Variants in DPP10 observed in about 807,000 individuals in gnomAD.
DPP10 encodes dipeptidyl peptidase like 10, also known as inactive dipeptidyl peptidase 10.
DPP10 carries 33 observed loss-of-function variants against 120.9 expected under a neutral mutation model. The observed-to-expected ratio is 0.27, with a 90% CI of 0.21 to 0.37. DPP10 has a LOEUF of 0.37. Ranked by LOEUF, DPP10 falls within the 10% of genes least tolerant of loss-of-function variation. DPP10 has a pLI of 1.00. For missense variants in DPP10, 816 were observed against 942.8 expected (o/e 0.87, Z 1.76); for synonymous variants, 337 against 326.1 (o/e 1.03, Z -0.36).
chr2:114,870,760 G>A lies in DPP10; in HGVS notation c.60+427922G>A, dbSNP rs1209340040. Among the ~76,000 whole-genome samples, 2 of 135,694 alleles carry A rather than the reference G, an allele frequency of 1.5e-5. 1 individual carries two copies. The highest frequency in any genetic ancestry group is 3.2e-5 in the Non-Finnish European group (2 of 61,912). The allele number at this position is 135,694 out of a possible 152,430, so 89.0% of individuals were successfully genotyped here. A position where few individuals can be genotyped will look rare whatever the true frequency, so the allele number is the denominator to read the frequency against. On this transcript the variant is annotated intron_variant, in intron 1 of 25. Coordinates refer to ENST00000410059, the MANE Select transcript of DPP10 (RefSeq NM_020868.6). Reference sequence around the variant, plus strand: ...TAATGGAATATCTTTATTAACCCATGGAACTAATGCAAAGTTCATTTTTAT... The same window carrying A: ...TAATGGAATATCTTTATTAACCCATAGAACTAATGCAAAGTTCATTTTTAT...
At chr2:114,663,660 TATATATATAGAGAG>T (rs1359375867) in intron 1 of DPP10, among the ~76,000 whole-genome samples, 2 of 91,536 alleles carry the variant, frequency 2.2e-5, no homozygotes, top group African/African-American at 7.9e-5. Flanking sequence ...TATATATATA[TATATATATAGAGAG>T]AGAGAGAGAG....
intron 1 of DPP10, among the ~76,000 whole-genome samples, chr2:114,776,473 C>T (rs1681753300): frequency 6.6e-6 from 1 of 152,144 alleles, no homozygotes; most frequent in Non-Finnish European, 1.5e-5. Context: ...CTTTTCTCTA[C>T]TGAATGCAAT....
At chr2:114,965,705 G>A (rs1224069106) in intron 1 of DPP10, among the ~76,000 whole-genome samples, 2 of 151,858 alleles carry the variant, frequency 1.3e-5, no homozygotes, top group African/African-American at 4.8e-5. Context: ...GAGGCCGGGC[G>A]CGGTGGCTCA....
intron 1 of DPP10, among the ~76,000 whole-genome samples, chr2:114,497,461 T>C (rs1196433786): frequency 2.2e-5 from 3 of 135,544 alleles, no homozygotes; most frequent in African/African-American, 1.1e-4. Flanking sequence ...ATCTATTTTA[T>C]AGATGCATCT....
At chr2:114,812,637 C>T (rs999926763) in intron 1 of DPP10, among the ~76,000 whole-genome samples, 1 of 141,326 alleles carries the variant, frequency 7.1e-6, no homozygotes, top group Non-Finnish European at 1.6e-5. Context: ...TAAAAAAAAA[C>T]GAGCAGTATC....
intron 1 of DPP10, among the ~76,000 whole-genome samples, chr2:114,851,075 A>C (rs1452047556): frequency 1.3e-5 from 2 of 152,086 alleles, no homozygotes; most frequent in Non-Finnish European, 2.9e-5. Flanking sequence ...TCGTACCTTG[A>C]CTCACTTTTT....
chr2:115,133,145 G>GTGTGTGTGTGTATATATATATA (rs1338395575), intron 1 of DPP10, among the ~76,000 whole-genome samples: 1 of 28,762 alleles, frequency 3.5e-5, no homozygotes, highest in African/African-American at 1.3e-4. Context: ...GTGTGTGTGT[G>GTGTGTGTGTGTATATATATATA]TATATATATA....
chr2:114,936,883 A>G (rs777576016), intron 1 of DPP10, among the ~76,000 whole-genome samples: 1 of 152,126 alleles, frequency 6.6e-6, no homozygotes, highest in Non-Finnish European at 1.5e-5. Context: ...GACCATTTGT[A>G]TATCTTCTTT....
chr2:115,205,885 C>T (rs1434886140), intron 1 of DPP10, among the ~76,000 whole-genome samples: 1 of 152,108 alleles, frequency 6.6e-6, no homozygotes, highest in East Asian at 1.9e-4. Flanking sequence ...GAGGGGGAAG[C>T]AGGGAGTGGT....
chr2:114,459,254 G>A (rs1478476790), intron 1 of DPP10, among the ~76,000 whole-genome samples: 3 of 152,166 alleles, frequency 2.0e-5, no homozygotes, highest in Non-Finnish European at 4.4e-5. Context: ...TTGACATGCA[G>A]CATGTAACAT....
intron 1 of DPP10, among the ~76,000 whole-genome samples, chr2:114,475,728 T>A (rs1394087023): frequency 6.6e-6 from 1 of 152,166 alleles, no homozygotes; most frequent in Non-Finnish European, 1.5e-5. Flanking sequence ...CGTCTGAAAA[T>A]GCAAGGTATC....
intron 3 of DPP10, among the ~76,000 whole-genome samples, chr2:115,434,106 A>AT (rs2071257731): frequency 6.6e-6 from 1 of 152,040 alleles, no homozygotes; most frequent in Non-Finnish European, 1.5e-5. Context: ...TACTATACAT[A>AT]TATGAGTAAT....
intron 5 of DPP10, among the ~76,000 whole-genome samples, chr2:115,683,800 C>T (rs140033758): frequency 1.0e-3 from 159 of 152,030 alleles, no homozygotes; most frequent in South Asian, 4.1e-3. Context: ...AAGAATGGTA[C>T]GTGATTCCTC....
At chr2:114,781,974 A>G (rs903000743) in intron 1 of DPP10, among the ~76,000 whole-genome samples, 1 of 152,020 alleles carries the variant, frequency 6.6e-6, no homozygotes, top group East Asian at 1.9e-4. Flanking sequence ...TGTGTATGAT[A>G]TTTTTTATTC....
At chr2:115,822,191 A>G (rs924468588) in intron 21 of DPP10, among the ~76,000 whole-genome samples, 1 of 152,034 alleles carries the variant, frequency 6.6e-6, no homozygotes, top group African/African-American at 2.4e-5. Context: ...TTTGTTGACC[A>G]TTCAGACTGT....
intron 1 of DPP10, among the ~76,000 whole-genome samples, chr2:114,840,246 TG>T (rs531651141): frequency 1.2e-3 from 178 of 152,336 alleles, no homozygotes; most frequent in African/African-American, 4.2e-3. Context: ...TTTTGTTTTA[TG>T]TTTTTGAAAA....
At chr2:114,723,349 G>A (rs145525473) in intron 1 of DPP10, among the ~76,000 whole-genome samples, 10 of 152,264 alleles carry the variant, frequency 6.6e-5, no homozygotes, top group African/African-American at 2.2e-4. Context: ...CTAAAGGAAG[G>A]GAGTTAAGAG....
intron 1 of DPP10, among the ~76,000 whole-genome samples, chr2:114,836,986 G>C (rs570845523): frequency 2.4e-4 from 37 of 152,276 alleles, no homozygotes; most frequent in African/African-American, 7.9e-4. Flanking sequence ...GAACATTGCT[G>C]TTATCCTGTT....
At chr2:114,917,513 C>T (rs956715435) in intron 1 of DPP10, among the ~76,000 whole-genome samples, 1 of 151,840 alleles carries the variant, frequency 6.6e-6, no homozygotes, top group African/African-American at 2.4e-5. Context: ...CAAAGCAATC[C>T]TCAGCACAAA....
Sources: allele counts gnomAD v4.1 joint callset (sites outside exome capture counted in the v4.1 genomes callset), GRCh38; gene constraint gnomAD v4.1.1; transcripts MANE v1.5; gene names NCBI Gene and HGNC (gene_info 2026-07-23, HGNC 2026-07-21).